Variants in ZNF343 observed in about 807,000 individuals in gnomAD.
The protein encoded by ZNF343 is zinc finger protein 343.
A neutral mutation model predicts 13.8 loss-of-function variants in ZNF343; 11 were observed. That is an observed-to-expected ratio of 0.80 (90% CI 0.50 to 1.32). ZNF343 has a LOEUF of 1.32. Ranked by LOEUF, ZNF343 falls within the 40% of genes most tolerant of loss-of-function variation. The pLI is 0.00. For missense variants in ZNF343, 658 were observed against 714.2 expected, an observed-to-expected ratio of 0.92 and a Z score of 0.90; for synonymous variants, 248 against 260.0, an observed-to-expected ratio of 0.95 and a Z score of 0.44.
chr20:2,511,426 T>A (rs2085738707), upstream of ZNF343, among the ~76,000 whole-genome samples: 1 of 152,240 alleles, frequency 6.6e-6, no homozygotes, highest in South Asian at 2.1e-4. Flanking sequence ...GACCAATTTC[T>A]GTTTATTCAA....
At chr20:2,512,549 A>T (rs1472704767), upstream of ZNF343, among the ~76,000 whole-genome samples, 1 of 152,232 alleles carries the variant, frequency 6.6e-6, no homozygotes, top group East Asian at 1.9e-4. Flanking sequence ...GGATGCCGAG[A>T]CCATTTAATG....
Position 2,484,230 on chromosome 20 carries a change from C to A in ZNF343, c.731G>T (p.Arg244Ile), listed in dbSNP as rs761554445. The A allele has an allele frequency of 5.6e-6, 9 of 1,614,228 alleles. No homozygotes were observed. Among genetic ancestry groups the A allele is most frequent in the Non-Finnish European group, 7.6e-6 (9 of 1,180,050 alleles). Residue 244 changes from arginine (R) to isoleucine (I), a missense_variant, in exon 6 of 6, where the codon AGA becomes ATA. Transcript: ENST00000278772. ...CAGGTTATGGTCCGGTTCATACTCT[C>A]TACAGTTGATTGCTCCAAATCTCAA... ...ETLRFGAINC[R>I]EYEPDHNLES... is the part of the protein sequence containing the mutation.
At chr20:2,521,234 G>A (rs544203872) in intron 1 of ZNF343, among the ~76,000 whole-genome samples, 137 of 152,294 alleles carry the variant, frequency 9.0e-4, no homozygotes, top group Non-Finnish European at 1.7e-3. Context: ...TGGGCAGATG[G>A]TGGAAACCTT....
At position 2,483,707 on chromosome 20, in the gene ZNF343, A is replaced by G. The variant is rs73085334; in HGVS notation, c.1254T>C (p.Phe418=). ...GTTTGATGAGATCTGAGTTCTGGCT[A>G]AAGCCTCGCCCACACTCCCTGCAAA... is the stretch of plus-strand genomic sequence containing the variant. ...PYVCRECGRG[F]SQNSDLIKHQ... is the part of the protein sequence containing the mutation. The change falls in exon 6 of 6, where the codon TTT becomes TTC. Residue 418 remains phenylalanine (F), a synonymous_variant. Transcript: ENST00000278772. 26,129 of 1,613,860 alleles carry G rather than the reference A, an allele frequency of 0.016. 578 individuals are homozygous for G. The highest frequency in any genetic ancestry group is 0.086 in the Middle Eastern group (523 of 6,060).
intron 5 of ZNF343, among the ~76,000 whole-genome samples, chr20:2,487,765 G>A (rs550439198): frequency 1.6e-4 from 24 of 152,338 alleles, no homozygotes; most frequent in African/African-American, 5.5e-4. Flanking sequence ...AATGGCTGCA[G>A]CATTTCTGCA....
intron 2 of ZNF343, among the ~76,000 whole-genome samples, chr20:2,498,345 A>G (rs899552813): frequency 1.3e-5 from 2 of 152,224 alleles, no homozygotes; most frequent in African/African-American, 2.4e-5. Context: ...AAAAAGAGCA[A>G]AACTCCGTCT....
rs1202311387 is a variant in ZNF343, at chr20:2,482,164, A to G, written c.*997T>C. ...CCCCACCCATGTAAAGCTTGTCCCA[A>G]AAAAGCTGTTCTTTGATGAGGACTT... On this transcript the variant is annotated 3_prime_UTR_variant, in exon 6 of 6. Coordinates refer to ENST00000278772, the MANE Select transcript of ZNF343 (RefSeq NM_024325.6). 6.6e-6 allele frequency: 1 copy of G among 152,188 alleles called. No individual in the cohort carries two copies. The highest frequency in any genetic ancestry group is 1.5e-5 in the Non-Finnish European group (1 of 68,042). 9.4% of individuals were successfully genotyped at this position (152,188 alleles called of 1,614,324 possible). A position where few individuals can be genotyped will look rare whatever the true frequency, so the allele number is the denominator to read the frequency against.
intron 5 of ZNF343, among the ~76,000 whole-genome samples, chr20:2,488,886 A>C (rs2085322537): frequency 6.6e-6 from 1 of 152,136 alleles, no homozygotes; most frequent in Admixed American, 6.5e-5. Context: ...CTCTACTAAA[A>C]ATACAAACAA....
chr20:2,496,032 A>T (rs543128690), intron 2 of ZNF343, among the ~76,000 whole-genome samples: 4 of 152,292 alleles, frequency 2.6e-5, no homozygotes, highest in African/African-American at 9.6e-5. Flanking sequence ...CAACAGAAAA[A>T]ATACCAGCAC....
At chr20:2,507,391 A>G (rs1364324778) in intron 1 of ZNF343, among the ~76,000 whole-genome samples, 3 of 152,190 alleles carry the variant, frequency 2.0e-5, no homozygotes, top group Non-Finnish European at 2.9e-5. Context: ...ATCAGAATAC[A>G]GTCTGCCCTG....
intron 1 of ZNF343, among the ~76,000 whole-genome samples, chr20:2,522,890 G>A (rs573978440): frequency 2.8e-4 from 42 of 152,322 alleles, no homozygotes; most frequent in African/African-American, 9.9e-4. Flanking sequence ...GGCAGAGGTT[G>A]TGGCAGCGGC....
At chr20:2,498,229 G>A (rs1364573088) in intron 2 of ZNF343, among the ~76,000 whole-genome samples, 1 of 152,194 alleles carries the variant, frequency 6.6e-6, no homozygotes, top group African/African-American at 2.4e-5. Context: ...GGTGGCGCAT[G>A]CCTATAATCC....
chr20:2,497,835 C>T (rs1191667049), intron 2 of ZNF343, among the ~76,000 whole-genome samples: 2 of 152,094 alleles, frequency 1.3e-5, no homozygotes, highest in Admixed American at 6.6e-5. Context: ...TAATAATGGC[C>T]CAACCTACTT....
rs755744264 is a variant in ZNF343 at position 2,492,656 on chromosome 20, T to C, written c.304+43A>G. The C allele has an allele frequency of 3.1e-6, 5 of 1,590,996 alleles. No individual in the cohort carries two copies. The South Asian group carries it at 5.7e-5, about 18-fold the overall frequency. On this transcript the variant is annotated intron_variant, in intron 5 of 5. Transcript: ENST00000278772. ...TGGTACATATTAGGTGATCAGTAAA[T>C]CTCTACTGAATTAATGAAGGAAAGG...
intron 4 of ZNF343, 72 bp from the exon 5 acceptor site, chr20:2,492,897 G>T: frequency 6.3e-7 from 1 of 1,586,142 alleles, no homozygotes; most frequent in Non-Finnish European, 8.5e-7. Context: ...CACAGCTGGT[G>T]ACCCTGGAGA....
chr20:2,515,002 C>CAAA (rs34761814), intron 1 of ZNF343, among the ~76,000 whole-genome samples: 3 of 94,514 alleles, frequency 3.2e-5, no homozygotes, highest in African/African-American at 8.1e-5. Flanking sequence ...GACATTGTAT[C>CAAA]AAAAAAAAAA....
chr20:2,507,157 G>C (rs1396373422), intron 1 of ZNF343, among the ~76,000 whole-genome samples: 5 of 151,570 alleles, frequency 3.3e-5, no homozygotes, highest in Admixed American at 1.3e-4. Flanking sequence ...CCAGCTACTC[G>C]GGATGCTGAG....
intron 1 of ZNF343, among the ~76,000 whole-genome samples, chr20:2,504,243 C>CT (rs1428558901): frequency 2.0e-5 from 3 of 152,160 alleles, no homozygotes; most frequent in Non-Finnish European, 1.5e-5. Flanking sequence ...CACATACACC[C>CT]TCCCAAGACT....
intron 2 of ZNF343, among the ~76,000 whole-genome samples, chr20:2,497,831 T>C (rs1337160656): frequency 6.6e-6 from 1 of 152,162 alleles, no homozygotes; most frequent in African/African-American, 2.4e-5. Flanking sequence ...TTCTTAATAA[T>C]GGCCCAACCT....
Sources: allele counts gnomAD v4.1 joint callset (sites outside exome capture counted in the v4.1 genomes callset), GRCh38; gene constraint gnomAD v4.1.1; transcripts MANE v1.5; gene names NCBI Gene and HGNC (gene_info 2026-07-23, HGNC 2026-07-21).